Variants in PPFIA1 observed in about 807,000 individuals in gnomAD.
PPFIA1 encodes the protein liprin-alpha-1.
PPFIA1 carries 25 observed loss-of-function variants against 149.9 expected under a neutral mutation model. That is an observed-to-expected ratio of 0.17 (90% CI 0.12 to 0.23). The LOEUF (loss-of-function observed/expected upper bound fraction) is 0.23, where lower values mean the gene tolerates loss of function less well. Ranked by LOEUF, PPFIA1 falls within the 10% of genes least tolerant of loss-of-function variation. The pLI is 1.00. For missense variants in PPFIA1, 1,362 were observed against 1,506.5 expected, an observed-to-expected ratio of 0.90 and a Z score of 1.59; for synonymous variants, 549 against 552.8, an observed-to-expected ratio of 0.99 and a Z score of 0.10.
At chr11:70,325,671 C>G in intron 5 of PPFIA1, 97 bp downstream of exon 5, 1 of 954,610 alleles carries the variant, frequency 1.0e-6, no homozygotes, top group Admixed American at 2.0e-5. Context: ...GTGGCTCACA[C>G]CTGTCATCCC....
chr11:70,292,184 A>G (rs1046205728), intron 2 of PPFIA1, among the ~76,000 whole-genome samples: 3 of 152,016 alleles, frequency 2.0e-5, no homozygotes, highest in South Asian at 2.1e-4. Flanking sequence ...AGGGTTTCCC[A>G]TGTTTCCCAG....
In PPFIA1 at chr11:70,375,076, C is replaced by T. The variant is rs956189092; in HGVS notation, c.3298C>T (p.Pro1100Ser). The T allele has an allele frequency of 6.2e-6, 10 of 1,611,260 alleles. No homozygotes were observed. Among genetic ancestry groups the T allele is most frequent in the Non-Finnish European group, 8.5e-6 (10 of 1,179,214 alleles). The change falls in exon 24 of 28, where the codon CCG becomes TCG. Residue 1100 changes from proline (P) to serine (S), a missense_variant. Pro to Ser is a moderately conservative substitution (Grantham distance 74, BLOSUM62 -1). Transcript: ENST00000253925. ...TGCACTGGCACTGCTGTTACAGATC[C>T]CGACGCAGAACACACAGGTGACGCC... ...FSALALLLQI[P>S]TQNTQARAVL...
At chr11:70,306,199 A>G (rs1200439121) in intron 2 of PPFIA1, among the ~76,000 whole-genome samples, 4 of 150,390 alleles carry the variant, frequency 2.7e-5, no homozygotes, top group Non-Finnish European at 5.9e-5. Flanking sequence ...TCAATGGAGA[A>G]ATGGATTGCT....
At chr11:70,317,788 C>T (rs1478211937) in intron 2 of PPFIA1, among the ~76,000 whole-genome samples, 2 of 152,144 alleles carry the variant, frequency 1.3e-5, no homozygotes, top group African/African-American at 2.4e-5. Flanking sequence ...CTGCATGGTT[C>T]TTGCATCATC....
At chr11:70,310,165 T>G (rs752948893) in intron 2 of PPFIA1, among the ~76,000 whole-genome samples, 8 of 152,198 alleles carry the variant, frequency 5.3e-5, no homozygotes, top group Non-Finnish European at 1.2e-4. Context: ...TAATATAGTT[T>G]CAGAGCTGAC....
intron 7 of PPFIA1, chr11:70,327,590 T>C (rs1387289238): frequency 6.6e-6 from 1 of 152,236 alleles, no homozygotes; most frequent in Non-Finnish European, 1.5e-5. Context: ...GCTAACACGG[T>C]GAAACCCCGT....
In PPFIA1 at chr11:70,326,713, C is replaced by T. The variant is rs143160253; in HGVS notation, c.825C>T (p.Ser275=). Residue 275 remains serine (S), a synonymous_variant, in exon 7 of 28, where the codon TCC becomes TCT. Transcript: ENST00000253925. ...EQSQMKERLA[S]LSSHVTELEE... is the part of the protein sequence containing the mutation. ...GCCAAATGAAAGAACGCCTGGCTTC[C>T]CTTTCCAGTCATGTGACAGAACTGG... The T allele has an allele frequency of 1.5e-3, 2,475 of 1,614,088 alleles. 6 individuals are homozygous for T. Among genetic ancestry groups the T allele is most frequent in the Middle Eastern group, 0.01 (62 of 6,062 alleles).
chr11:70,287,606 G>C (rs1169606929), intron 2 of PPFIA1, among the ~76,000 whole-genome samples: 1 of 150,844 alleles, frequency 6.6e-6, no homozygotes, highest in Non-Finnish European at 1.5e-5. Flanking sequence ...TGAGATTACA[G>C]GCATCAGCCA....
At chr11:70,379,939 T>C (rs538246938) in intron 26 of PPFIA1, among the ~76,000 whole-genome samples, 1 of 152,320 alleles carries the variant, frequency 6.6e-6, no homozygotes, top group South Asian at 2.1e-4. Flanking sequence ...GTCATGCATA[T>C]AATTCTTAGA....
At chr11:70,289,476 TTA>T (rs2051379295) in intron 2 of PPFIA1, among the ~76,000 whole-genome samples, 1 of 152,234 alleles carries the variant, frequency 6.6e-6, no homozygotes, top group Non-Finnish European at 1.5e-5. Flanking sequence ...GTTCAGCATT[TTA>T]ATACATTGTT....
At chr11:70,322,484 G>T (rs2136739069) in intron 2 of PPFIA1, among the ~76,000 whole-genome samples, 1 of 152,264 alleles carries the variant, frequency 6.6e-6, no homozygotes, top group African/African-American at 2.4e-5. Flanking sequence ...ACGCTGCCCA[G>T]CCCAGGAGCC....
chr11:70,288,165 C>G (rs557482225), intron 2 of PPFIA1, among the ~76,000 whole-genome samples: 77 of 151,694 alleles, frequency 5.1e-4, no homozygotes, highest in African/African-American at 1.7e-3. Flanking sequence ...CCTCTGCCTC[C>G]TGGGTTCAAG....
chr11:70,287,019 AATTATT>A (rs1392422436), intron 2 of PPFIA1, among the ~76,000 whole-genome samples: 1 of 151,702 alleles, frequency 6.6e-6, no homozygotes, highest in East Asian at 1.9e-4. Flanking sequence ...ACATATATGT[AATTATT>A]ATTATTTTGT....
chr11:70,368,273 G>T (rs567933748), intron 21 of PPFIA1, among the ~76,000 whole-genome samples: 24 of 152,194 alleles, frequency 1.6e-4, no homozygotes, highest in Admixed American at 4.6e-4. Flanking sequence ...AGGTAGTGAA[G>T]CATTTTTTTC....
At chr11:70,364,282 A>G (rs1347325329) in intron 21 of PPFIA1, 2 of 152,202 alleles carry the variant, frequency 1.3e-5, no homozygotes, top group Non-Finnish European at 2.9e-5. Flanking sequence ...GTTTCTCTCC[A>G]TGTGGGAAGT....
chr11:70,297,525 G>C (rs558027554), intron 2 of PPFIA1, among the ~76,000 whole-genome samples: 2 of 152,312 alleles, frequency 1.3e-5, no homozygotes, highest in African/African-American at 4.8e-5. Flanking sequence ...TGTCTGAAGG[G>C]TGCATTCATG....
chr11:70,364,476 C>G (rs1417993259), intron 21 of PPFIA1: 1 of 152,218 alleles, frequency 6.6e-6, no homozygotes, highest in African/African-American at 2.4e-5. Context: ...ATTCTTGTTG[C>G]AATGAAGAGC....
chr11:70,274,795 T>C (rs768453329), intron 2 of PPFIA1, among the ~76,000 whole-genome samples: 5 of 152,074 alleles, frequency 3.3e-5, no homozygotes, highest in Non-Finnish European at 7.4e-5. Context: ...CTCGGCTCAC[T>C]GTAGCCTCCA....
intron 16 of PPFIA1, among the ~76,000 whole-genome samples, chr11:70,350,836 G>T (rs1315735353): frequency 6.6e-6 from 1 of 151,584 alleles, no homozygotes; most frequent in Non-Finnish European, 1.5e-5. Flanking sequence ...AAATTTTTTG[G>T]TGAAAAAATG....
Sources: allele counts gnomAD v4.1 joint callset (sites outside exome capture counted in the v4.1 genomes callset), GRCh38; gene constraint gnomAD v4.1.1; transcripts MANE v1.5; gene names NCBI Gene and HGNC (gene_info 2026-07-23, HGNC 2026-07-21).